Variants in UBR4 observed in about 807,000 individuals in gnomAD.
UBR4 encodes the protein E3 ubiquitin-protein ligase UBR4.
A neutral mutation model predicts 575.6 loss-of-function variants in UBR4; 124 were observed. The observed-to-expected ratio is 0.22, with a 90% CI of 0.19 to 0.25. The LOEUF (loss-of-function observed/expected upper bound fraction) is 0.25. UBR4 is among the 10% of genes least tolerant of loss of function. UBR4 has a pLI of 1.00. For missense variants in UBR4, 4,818 were observed against 6,478.8 expected (o/e 0.74, Z 8.80); for synonymous variants, 2,455 against 2,473.7 (o/e 0.99, Z 0.22).
At chr1:19,122,054 C>T in intron 66 of UBR4, 42 bp from the exon 67 acceptor site, 1 of 1,603,898 alleles carries the variant, frequency 6.2e-7, no homozygotes, top group Non-Finnish European at 8.5e-7. Context: ...AACTCCACCA[C>T]ATTGCCCAGA....
Position 19,074,714 on chromosome 1 carries a change from G to C in UBR4, c.*118C>G. 1 of 1,171,022 alleles carries C rather than the reference G, an allele frequency of 8.5e-7. No homozygotes were observed. The highest frequency in any genetic ancestry group is 1.2e-6 in the Non-Finnish European group (1 of 804,970). The allele number at this position is 1,171,022 out of a possible 1,614,324, so 72.5% of individuals were successfully genotyped here. Reference sequence around the variant, plus strand: ...AAGCCACACCAAGAAAAATGAGAGAGGGGAGGGCGGGGTAACAATGCAGCA... The same window carrying C: ...AAGCCACACCAAGAAAAATGAGAGACGGGAGGGCGGGGTAACAATGCAGCA... On this transcript the variant is annotated 3_prime_UTR_variant, in exon 106 of 106. Coordinates refer to ENST00000375254, the MANE Select transcript of UBR4 (RefSeq NM_020765.3).
intron 73 of UBR4, among the ~76,000 whole-genome samples, chr1:19,116,914 T>G (rs186743467): frequency 1.3e-5 from 2 of 152,246 alleles, no homozygotes; most frequent in African/African-American, 4.8e-5. Flanking sequence ...TAGACCTTTG[T>G]GTAAGAATAG....
rs2088034886 is a variant in UBR4 at position 19,164,786 on chromosome 1, G to T, written c.4511+13C>A. ...GTTGCTAGGGAAACACGACAGAAAT[G>T]TAGTTGTTCTACCTGTTTTCCCGAA... On this transcript the variant is annotated intron_variant, in intron 32 of 105. Transcript: ENST00000375254. 1 of 1,612,220 alleles carries T rather than the reference G, an allele frequency of 6.2e-7. No homozygotes were observed. Among genetic ancestry groups the T allele is most frequent in the Non-Finnish European group, 8.5e-7 (1 of 1,178,422 alleles).
chr1:19,087,381 A>G (rs985524527), intron 99 of UBR4, among the ~76,000 whole-genome samples: 1 of 152,072 alleles, frequency 6.6e-6, no homozygotes, highest in African/African-American at 2.4e-5. Context: ...GAAAGTTCTG[A>G]TTTTCTCCCC....
At position 19,146,041 on chromosome 1, in the gene UBR4, G is replaced by A. The variant is rs745768455; in HGVS notation, c.7805-108C>T. 3.8e-6 allele frequency: 6 copies of A among 1,587,392 alleles called. No individual in the cohort carries two copies. The South Asian group carries it at 6.9e-5, about 18-fold the overall frequency. ...AGCTTGCCTGGGGAGGGAGTTTCAA[G>A]TGGGGCCCCAATCAATATGCCAACT... On this transcript the variant is annotated intron_variant, in intron 52 of 105. Coordinates refer to ENST00000375254, the MANE Select transcript of UBR4 (RefSeq NM_020765.3).
intron 68 of UBR4, among the ~76,000 whole-genome samples, chr1:19,120,753 G>T (rs1384489070): frequency 6.6e-6 from 1 of 152,170 alleles, no homozygotes; most frequent in African/African-American, 2.4e-5. Flanking sequence ...CCACCACCAT[G>T]GCTCTCAACC....
intron 26 of UBR4, 55 bp from the exon 27 acceptor site, chr1:19,169,587 A>T: frequency 1.3e-6 from 2 of 1,512,434 alleles, no homozygotes; most frequent in Non-Finnish European, 1.8e-6. Flanking sequence ...AACGACACAG[A>T]GCATTTTAAA....
intron 57 of UBR4, 101 bp from the exon 58 acceptor site, chr1:19,140,993 T>G: frequency 3.2e-6 from 4 of 1,250,420 alleles, no homozygotes; most frequent in East Asian, 2.5e-5. Flanking sequence ...AACACCAGCA[T>G]GTGACCCCCT....
intron 59 of UBR4, among the ~76,000 whole-genome samples, chr1:19,138,775 A>T (rs2083474760): frequency 6.6e-6 from 1 of 152,186 alleles, no homozygotes; most frequent in South Asian, 2.1e-4. Context: ...ATAATTATGC[A>T]TATTATCGCA....
Position 19,155,656 on chromosome 1 carries a change from A to G in UBR4, c.6085T>C (p.Cys2029Arg). ...AAGGTTGGACTCAAGGCATCAACAC[A>G]CAGGTCATAAATCTGCAGGATGGAA... The part of the protein sequence containing the change: ...TADFVKIYDL[C>R]VDALSPTFYF... The change falls in exon 43 of 106, where the codon TGT becomes CGT. Residue 2029 changes from cysteine (C) to arginine (R), a missense_variant. Around this residue, in one of 29 missense-constraint regions of UBR4, gnomAD observed 461 missense variants for 606.9 expected, o/e 0.76. Coordinates refer to ENST00000375254, the MANE Select transcript of UBR4 (RefSeq NM_020765.3). 1 of 1,614,044 alleles carries G rather than the reference A, an allele frequency of 6.2e-7. No individual in the cohort carries two copies. The highest frequency in any genetic ancestry group is 8.5e-7 in the Non-Finnish European group (1 of 1,179,908).
At chr1:19,144,953 C>CT (rs768006367) in intron 53 of UBR4, 46 bp from the exon 54 acceptor site, 47 of 1,610,138 alleles carry the variant, frequency 2.9e-5, no homozygotes, top group East Asian at 1.3e-4. Flanking sequence ...GGAAAAAACT[C>CT]TAACTACTTG....
At chr1:19,137,258 C>G (rs1387097794) in intron 60 of UBR4, among the ~76,000 whole-genome samples, 1 of 151,470 alleles carries the variant, frequency 6.6e-6, no homozygotes, top group Non-Finnish European at 1.5e-5. Context: ...ACTGTTCACA[C>G]CACTGCACTC....
rs931619468 is a variant in UBR4, at chr1:19,101,745, G to C, written c.12902-104C>G. On this transcript the variant is annotated intron_variant, in intron 87 of 105. Coordinates refer to ENST00000375254, the MANE Select transcript of UBR4 (RefSeq NM_020765.3). ...ATCACTGACAAATTATTTCTGCCTG[G>C]TAAGTCTTTAAATGCCCTACATGGC... is the stretch of plus-strand genomic sequence containing the variant. 11 of 1,516,952 alleles carry C rather than the reference G, an allele frequency of 7.3e-6. No individual in the cohort carries two copies. The Admixed American group carries it at 9.9e-5, about 14-fold the overall frequency. 94.0% of individuals were successfully genotyped at this position (1,516,952 alleles called of 1,614,324 possible).
chr1:19,148,208 C>A, intron 50 of UBR4, 81 bp from the exon 51 acceptor site: 2 of 1,499,388 alleles, frequency 1.3e-6, no homozygotes, highest in East Asian at 2.4e-5. Context: ...CCTGCCCTTC[C>A]TTCCTTCTAG....
Position 19,174,935 on chromosome 1 carries a change from G to A in UBR4, c.2853+19C>T. On this transcript the variant is annotated intron_variant, in intron 21 of 105. Transcript: ENST00000375254. Reference sequence around the variant, plus strand: ...CCATCTGACCCACATATAAAATGCAGTTTTAAAATTCCTAGTACCACAGAA... The same window carrying A: ...CCATCTGACCCACATATAAAATGCAATTTTAAAATTCCTAGTACCACAGAA... 1.2e-6 allele frequency: 2 copies of A among 1,609,224 alleles called. No individual in the cohort carries two copies. The highest frequency in any genetic ancestry group is 2.2e-5 in the South Asian group (2 of 90,716).
chr1:19,088,484 A>C lies in UBR4; in HGVS notation c.14430+275T>G, dbSNP rs926982903. 2.6e-5 allele frequency among the ~76,000 whole-genome samples: 4 copies of C among 152,192 alleles called. No homozygotes were observed. The highest frequency in any genetic ancestry group is 4.4e-5 in the Non-Finnish European group (3 of 68,030). On this transcript the variant is annotated intron_variant, in intron 98 of 105. Transcript: ENST00000375254. This position sits in a 1 kb window ranked among gnomAD's most constrained non-coding sequence, Gnocchi z 4.0. ...GGGTATAACAATATCAACCTCCTAG[A>C]ACTACTTGAGGGCTTAAATAAGTCC...
intron 2 of UBR4, among the ~76,000 whole-genome samples, chr1:19,200,224 G>A (rs1161899827): frequency 6.6e-6 from 1 of 150,982 alleles, no homozygotes; most frequent in African/African-American, 2.4e-5. Context: ...ATTGTCTTAG[G>A]TCACACAAAA....
chr1:19,110,042 TGAG>T lies in UBR4; in HGVS notation c.12105+51_12105+53del, dbSNP rs1410316611. ...GGAGGCAGGGCACACTGCCAGGGAA[TGAG>T]GAGGGTGGCCGCCCTGCCCTTCCTT... On this transcript the variant is annotated intron_variant, in intron 81 of 105. Coordinates refer to ENST00000375254, the MANE Select transcript of UBR4 (RefSeq NM_020765.3). This position sits in a 1 kb window ranked among gnomAD's most constrained non-coding sequence, Gnocchi z 4.5. 2.2e-5 allele frequency: 35 copies of T among 1,609,682 alleles called. No individual in the cohort carries two copies. Among genetic ancestry groups the T allele is most frequent in the East Asian group, 1.6e-4 (7 of 44,860 alleles).
chr1:19,118,846 CA>C, intron 71 of UBR4, 25 bp downstream of exon 71: 1 of 1,612,890 alleles, frequency 6.2e-7, no homozygotes, highest in Non-Finnish European at 8.5e-7. Context: ...GAGCTTCCCA[CA>C]GGTAGAAAGC....
Sources: allele counts gnomAD v4.1 joint callset (sites outside exome capture counted in the v4.1 genomes callset), GRCh38; gene constraint gnomAD v4.1.1; regional missense constraint gnomAD v4.1.1; non-coding constraint Gnocchi (gnomAD v3.1); transcripts MANE v1.5; gene names NCBI Gene and HGNC (gene_info 2026-07-23, HGNC 2026-07-21).